Variants in TENM1 observed in about 807,000 individuals in gnomAD.
TENM1 encodes teneurin transmembrane protein 1.
Under a neutral mutation model 174.8 loss-of-function variants are expected in TENM1, and 35 were observed. That is an observed-to-expected ratio of 0.20 (90% CI 0.15 to 0.27). The LOEUF is 0.27. TENM1 is among the 10% of genes least tolerant of loss of function. The probability of loss-of-function intolerance (pLI) is 1.00; values close to 1 mark genes in which losing one functional copy is unlikely to be tolerated. For missense variants in TENM1, 1,633 were observed against 2,130.1 expected, an observed-to-expected ratio of 0.77 and a Z score of 4.59; for synonymous variants, 781 against 798.7, an observed-to-expected ratio of 0.98 and a Z score of 0.37.
intron 3 of TENM1, among the ~76,000 whole-genome samples, chrX:124,817,486 T>C (rs924394305): frequency 3.6e-5 from 4 of 112,184 alleles, no homozygotes; most frequent in Non-Finnish European, 7.5e-5. Flanking sequence ...TATCCTGGGA[T>C]TCTCACAGTA....
At chrX:124,813,821 T>C (rs1051119148) in intron 3 of TENM1, among the ~76,000 whole-genome samples, 3 of 111,015 alleles carry the variant, frequency 2.7e-5, no homozygotes, top group Non-Finnish European at 5.7e-5. Flanking sequence ...TAGGTTGAAC[T>C]ATAAAAAAAT....
intron 1 of TENM1, among the ~76,000 whole-genome samples, chrX:124,928,521 C>A (rs1016906433): frequency 1.9e-4 from 21 of 111,903 alleles, no homozygotes; most frequent in African/African-American, 6.5e-4. Context: ...GTCCCTTCAG[C>A]CTTGGAAACT....
intron 5 of TENM1, among the ~76,000 whole-genome samples, chrX:124,685,489 T>C (rs1184217458): frequency 9.1e-6 from 1 of 109,920 alleles, no homozygotes; most frequent in Non-Finnish European, 1.9e-5. Flanking sequence ...CTGAAATTAC[T>C]CAGTAGGAGG....
the TENM1 span, among the ~76,000 whole-genome samples, chrX:125,111,261 G>A: frequency 9.0e-6 from 1 of 111,228 alleles, no homozygotes; most frequent in Admixed American, 9.6e-5. Context: ...CAGTACTACA[G>A]TAGCAAGGGT....
At chrX:124,993,878 G>A in the TENM1 span, among the ~76,000 whole-genome samples, 1 of 109,412 alleles carries the variant, frequency 9.1e-6, no homozygotes, top group African/African-American at 3.3e-5. Flanking sequence ...TCCATTACTG[G>A]GCTGTCCCAC....
chrX:124,474,534 T>A (rs2061367245), intron 22 of TENM1, among the ~76,000 whole-genome samples: 1 of 111,830 alleles, frequency 8.9e-6, no homozygotes, highest in Non-Finnish European at 1.9e-5. Context: ...TAATAATGCA[T>A]CTGTGGCTTT....
the TENM1 span, among the ~76,000 whole-genome samples, chrX:125,093,658 T>C: frequency 0.15 from 17,139 of 111,275 alleles, 1,062 homozygotes; most frequent in Admixed American, 0.31. Context: ...ATTAACTTGA[T>C]CAAGGTCACA....
chrX:125,002,203 T>C, the TENM1 span, among the ~76,000 whole-genome samples: 27 of 111,558 alleles, frequency 2.4e-4, no homozygotes, highest in African/African-American at 8.8e-4. Flanking sequence ...AAATGTTTGT[T>C]TAGTGAATGA....
chrX:124,560,758 A>G (rs1270136955), intron 14 of TENM1, among the ~76,000 whole-genome samples: 2 of 112,276 alleles, frequency 1.8e-5, no homozygotes, highest in Non-Finnish European at 3.8e-5. Context: ...AAGCAGATAT[A>G]GAAATGTGAA....
At chrX:124,763,253 T>C (rs758204235) in intron 3 of TENM1, among the ~76,000 whole-genome samples, 3 of 111,069 alleles carry the variant, frequency 2.7e-5, no homozygotes, top group Admixed American at 9.6e-5. Context: ...GGGAGCAGGG[T>C]GCCTCAGTGG....
At chrX:124,553,874 G>A (rs1375687990) in intron 14 of TENM1, among the ~76,000 whole-genome samples, 1 of 111,766 alleles carries the variant, frequency 8.9e-6, no homozygotes, top group Non-Finnish European at 1.9e-5. Context: ...GGAGGCCGAG[G>A]CAGGCAGATC....
intron 5 of TENM1, among the ~76,000 whole-genome samples, chrX:124,695,598 A>T (rs1174442031): frequency 9.0e-6 from 1 of 111,347 alleles, no homozygotes; most frequent in Non-Finnish European, 1.9e-5. Context: ...TTTCTTTCCT[A>T]CCTACTCAAA....
chrX:124,657,291 C>A (rs768660073), intron 6 of TENM1, among the ~76,000 whole-genome samples: 17 of 111,699 alleles, frequency 1.5e-4, no homozygotes, highest in African/African-American at 5.5e-4. Flanking sequence ...CCAATATCCA[C>A]CAATTTAGTT....
At chrX:125,088,454 T>C in the TENM1 span, among the ~76,000 whole-genome samples, 43 of 111,213 alleles carry the variant, frequency 3.9e-4, no homozygotes, top group African/African-American at 1.2e-3. Context: ...GACAAATATA[T>C]CAAAATAATG....
chrX:124,582,790 G>C (rs1197959313), intron 11 of TENM1, among the ~76,000 whole-genome samples: 3 of 112,086 alleles, frequency 2.7e-5, no homozygotes, highest in Non-Finnish European at 5.6e-5. Flanking sequence ...GTCAAAGAAA[G>C]GGGTGAATCG....
At chrX:124,645,760 C>T (rs2051141388) in intron 9 of TENM1, among the ~76,000 whole-genome samples, 2 of 112,237 alleles carry the variant, frequency 1.8e-5, no homozygotes, top group South Asian at 7.4e-4. Context: ...AAATAGATTT[C>T]TATTGGACAG....
Position 124,392,044 on chromosome X carries a change from G to A in TENM1, c.5688+8C>T, listed in dbSNP as rs780467783. Reference sequence around the variant, plus strand: ...CTTGAAACTTGTCTTTTTCCCCTATGTACTTACTTTTTCTAAGTAGGTATA... The same window carrying A: ...CTTGAAACTTGTCTTTTTCCCCTATATACTTACTTTTTCTAAGTAGGTATA... On this transcript the variant is annotated splice_region_variant and intron_variant, in intron 28 of 31. Coordinates refer to ENST00000422452, the Ensembl canonical transcript of TENM1. 1 of 1,185,142 alleles carries A rather than the reference G, an allele frequency of 8.4e-7. No homozygotes were observed. The highest frequency in any genetic ancestry group is 1.9e-5 in the South Asian group (1 of 53,507).
chrX:125,063,065 G>T, the TENM1 span, among the ~76,000 whole-genome samples: 24 of 112,077 alleles, frequency 2.1e-4, no homozygotes, highest in East Asian at 6.2e-3. Context: ...TATGACATTT[G>T]TATCCAAGTC....
At chrX:124,780,696 G>A (rs2054887572) in intron 3 of TENM1, among the ~76,000 whole-genome samples, 1 of 111,231 alleles carries the variant, frequency 9.0e-6, no homozygotes, top group Admixed American at 9.6e-5. Context: ...AGATACACTC[G>A]CCAGGACTAC....
Sources: allele counts gnomAD v4.1 joint callset (sites outside exome capture counted in the v4.1 genomes callset), GRCh38; gene constraint gnomAD v4.1.1; transcripts MANE v1.5; gene names NCBI Gene and HGNC (gene_info 2026-07-23, HGNC 2026-07-21).